Variants in NAV3 observed in about 807,000 individuals in gnomAD.
NAV3 encodes the protein neuron navigator 3.
A neutral mutation model predicts 244.7 loss-of-function variants in NAV3; 87 were observed. That is an observed-to-expected ratio of 0.36 (90% CI 0.30 to 0.42). The LOEUF (loss-of-function observed/expected upper bound fraction) is 0.42. Ranked by LOEUF, NAV3 falls within the 20% of genes least tolerant of loss-of-function variation. The pLI is 1.00. For synonymous variants in NAV3, 1,126 were observed against 1,042.2 expected (o/e 1.08, Z -1.55); for missense variants, 2,663 against 2,893.3 (o/e 0.92, Z 1.83).
intron 1 of NAV3, among the ~76,000 whole-genome samples, chr12:77,920,974 G>T (rs1158917369): frequency 6.6e-6 from 1 of 152,026 alleles, no homozygotes; most frequent in Non-Finnish European, 1.5e-5. Context: ...TTCAATTAGA[G>T]AATTTTGAAC....
intron 12 of NAV3, among the ~76,000 whole-genome samples, chr12:78,108,251 A>G (rs2853466): frequency 0.74 from 112,844 of 152,008 alleles, 42,111 homozygotes; most frequent in Middle Eastern, 0.78. Context: ...ACCCAGCAAT[A>G]GGAAATAACA....
intron 8 of NAV3, among the ~76,000 whole-genome samples, chr12:78,016,523 C>A (rs1202868836): frequency 6.6e-6 from 1 of 152,162 alleles, no homozygotes; most frequent in Non-Finnish European, 1.5e-5. Context: ...TTCTGTTCAA[C>A]CCAACAGTTT....
chr12:78,029,941 A>C (rs990679947), intron 9 of NAV3, among the ~76,000 whole-genome samples: 6 of 152,198 alleles, frequency 3.9e-5, no homozygotes, highest in Non-Finnish European at 5.9e-5. Flanking sequence ...TAGGTGACTG[A>C]GATAGAGACA....
chr12:78,120,959 T>G (rs1430835070), intron 15 of NAV3, among the ~76,000 whole-genome samples: 3 of 152,246 alleles, frequency 2.0e-5, no homozygotes, highest in Non-Finnish European at 4.4e-5. Context: ...ATATTAATGC[T>G]GCAGAACTGT....
chr12:77,893,180 C>G (rs1884156212), intron 1 of NAV3, among the ~76,000 whole-genome samples: 1 of 152,012 alleles, frequency 6.6e-6, no homozygotes, highest in African/African-American at 2.4e-5. Flanking sequence ...AAAAAGGAAT[C>G]AAAGAAGGAA....
intron 2 of NAV3, among the ~76,000 whole-genome samples, chr12:77,763,875 T>C (rs1049802189): frequency 7.2e-5 from 11 of 152,056 alleles, no homozygotes; most frequent in African/African-American, 2.7e-4. Context: ...AAACACCCCA[T>C]CCAGATAGTA....
intron 2 of NAV3, among the ~76,000 whole-genome samples, chr12:77,670,046 C>T (rs1479485723): frequency 6.6e-6 from 1 of 151,966 alleles, no homozygotes; most frequent in African/African-American, 2.4e-5. Flanking sequence ...AATTGATAGA[C>T]CATTCTTGAG....
At chr12:77,714,371 T>C (rs143047320) in intron 2 of NAV3, among the ~76,000 whole-genome samples, 16 of 152,244 alleles carry the variant, frequency 1.1e-4, no homozygotes, top group African/African-American at 3.8e-4. Flanking sequence ...AGCTTGCTAA[T>C]TATGTGCGGA....
chr12:78,160,509 G>T (rs1957497632), intron 23 of NAV3, among the ~76,000 whole-genome samples: 1 of 151,832 alleles, frequency 6.6e-6, no homozygotes, highest in South Asian at 2.1e-4. Context: ...CAAAAGTTTT[G>T]GGTATTTTCA....
At chr12:77,807,616 C>T (rs557577377) in intron 2 of NAV3, among the ~76,000 whole-genome samples, 1 of 152,238 alleles carries the variant, frequency 6.6e-6, no homozygotes, top group East Asian at 1.9e-4. Context: ...ATATTTTTTT[C>T]CTCTATTTCA....
chr12:77,706,646 G>A lies in NAV3; in HGVS notation c.72+134380G>A, dbSNP rs1164882741. Among the ~76,000 whole-genome samples the A allele has an allele frequency of 2.7e-5, 4 of 150,820 alleles. 1 individual carries two copies. The highest frequency in any genetic ancestry group is 9.9e-5 in the African/African-American group (4 of 40,500). ...AGCACTTTGGGAGGCTGAGGCGGGC[G>A]GATCACGAGGTCAGGAGATCGAGAC... On this transcript the variant is annotated intron_variant, in intron 2 of 8. Coordinates refer to the NAV3 transcript ENST00000550042.
intron 1 of NAV3, among the ~76,000 whole-genome samples, chr12:77,890,761 T>C (rs1441740674): frequency 1.3e-5 from 2 of 152,222 alleles, no homozygotes; most frequent in African/African-American, 4.8e-5. Context: ...ACAAAGTAGT[T>C]ACTTCACAAT....
At chr12:77,883,358 G>A (rs368883529) in intron 1 of NAV3, among the ~76,000 whole-genome samples, 11 of 151,996 alleles carry the variant, frequency 7.2e-5, no homozygotes, top group Non-Finnish European at 1.3e-4. Flanking sequence ...AGCAAATACC[G>A]CATGTTCTCT....
intron 1 of NAV3, among the ~76,000 whole-genome samples, chr12:77,849,292 T>G (rs1762547593): frequency 6.6e-6 from 1 of 152,186 alleles, no homozygotes; most frequent in Admixed American, 6.5e-5. Context: ...TTGTATTACT[T>G]TGACTCATGA....
rs936294549 is a variant in NAV3 at position 77,873,367 on chromosome 12, C to T, written c.243+41663C>T. 5.3e-5 allele frequency among the ~76,000 whole-genome samples: 8 copies of T among 151,960 alleles called. No individual in the cohort carries two copies. In the East Asian group the frequency reaches 1.5e-3, roughly 29 times the overall value. Reference sequence around the variant, plus strand: ...ACAATTGATACAGATCTTATTGTTACTTTGTAACAAATGATGTAACAAATG... The same window carrying T: ...ACAATTGATACAGATCTTATTGTTATTTTGTAACAAATGATGTAACAAATG... On this transcript the variant is annotated intron_variant, in intron 1 of 39. Coordinates refer to ENST00000397909, the MANE Select transcript of NAV3 (RefSeq NM_001024383.2).
chr12:77,976,590 T>C (rs146685850), intron 5 of NAV3, among the ~76,000 whole-genome samples: 1 of 152,080 alleles, frequency 6.6e-6, no homozygotes, highest in East Asian at 1.9e-4. Flanking sequence ...AAATAGTTTA[T>C]ACATACATTT....
At chr12:78,030,134 A>T (rs571695300) in intron 9 of NAV3, among the ~76,000 whole-genome samples, 15 of 152,308 alleles carry the variant, frequency 9.8e-5, no homozygotes, top group African/African-American at 3.6e-4. Context: ...AATCTGAAAA[A>T]ATTCAACATG....
intron 9 of NAV3, among the ~76,000 whole-genome samples, chr12:78,048,326 C>T: frequency 6.6e-6 from 1 of 152,154 alleles, no homozygotes; most frequent in Non-Finnish European, 1.5e-5. Context: ...CCTTTTTGCA[C>T]TGTTTTTTTT....
chr12:77,861,497 A>C (rs1050550878), intron 1 of NAV3, among the ~76,000 whole-genome samples: 1 of 151,952 alleles, frequency 6.6e-6, no homozygotes, highest in African/African-American at 2.4e-5. Flanking sequence ...ATGTTTCAAC[A>C]TTGCAAGTAG....
Sources: gnomAD v4.1 joint callset for allele counts (sites outside exome capture counted in the v4.1 genomes callset) on GRCh38, gnomAD v4.1.1 for gene constraint, MANE v1.5 for transcripts, NCBI Gene and HGNC (gene_info 2026-07-23, HGNC 2026-07-21) for gene names.